The following NAP1L1 variants were observed in gnomAD, a reference collection of about 807,000 sequenced individuals.
NAP1L1 encodes nucleosome assembly protein 1 like 1.
A neutral mutation model predicts 58.9 loss-of-function variants in NAP1L1; 9 were observed. That is an observed-to-expected ratio of 0.15 (90% CI 0.09 to 0.27). The LOEUF (loss-of-function observed/expected upper bound fraction) is 0.27, where lower values mean the gene tolerates loss of function less well. Ranked by LOEUF, NAP1L1 falls within the 10% of genes least tolerant of loss-of-function variation. The pLI is 1.00. For missense variants in NAP1L1, 302 were observed against 458.8 expected, an observed-to-expected ratio of 0.66 and a Z score of 3.12; for synonymous variants, 130 against 138.3, an observed-to-expected ratio of 0.94 and a Z score of 0.42.
chr12:76,049,799 A>T lies in NAP1L1; in HGVS notation c.1060-14T>A. The T allele has an allele frequency of 6.2e-7, 1 of 1,612,586 alleles. No homozygotes were observed. The highest frequency in any genetic ancestry group is 8.5e-7 in the Non-Finnish European group (1 of 1,179,336). ...TTCTTCATCATACTGAAAAGGAAAA[A>T]CAGCGTTAAGTGTTGAGTGAATGTA... On this transcript the variant is annotated splice_polypyrimidine_tract_variant and intron_variant, in intron 12 of 14. Coordinates refer to ENST00000618691, the MANE Select transcript of NAP1L1 (RefSeq NM_004537.7).
At chr12:76,072,456 A>C (rs552336766) in intron 2 of NAP1L1, among the ~76,000 whole-genome samples, 1 of 152,270 alleles carries the variant, frequency 6.6e-6, no homozygotes, top group East Asian at 1.9e-4. Flanking sequence ...AAAGGTCATG[A>C]GAGCAATCCA....
At chr12:76,066,528 G>A (rs548282587) in intron 4 of NAP1L1, among the ~76,000 whole-genome samples, 8 of 151,982 alleles carry the variant, frequency 5.3e-5, no homozygotes, top group East Asian at 3.9e-4. Flanking sequence ...AATGGGCAAC[G>A]AAAAAGGTTC....
rs1948573379 is a variant in NAP1L1, at chr12:76,043,819, G to A, written c.*4610C>T. 6.6e-6 allele frequency: 1 copy of A among 152,116 alleles called. No individual in the cohort carries two copies. Among genetic ancestry groups the A allele is most frequent in the Non-Finnish European group, 1.5e-5 (1 of 68,042 alleles). The allele number at this position is 152,116 out of a possible 1,614,324, so 9.4% of individuals were successfully genotyped here. ...CATACAAATTTTGAGCCTTCTGGTAGCAACTATTTTACAACCTCATGAAAT... is the reference window on the plus strand; with the variant it reads ...CATACAAATTTTGAGCCTTCTGGTAACAACTATTTTACAACCTCATGAAAT... On this transcript the variant is annotated 3_prime_UTR_variant, in exon 15 of 15. Transcript: ENST00000618691.
chr12:76,049,444 C>G (rs1255325064), intron 13 of NAP1L1, 194 bp from the exon 14 acceptor site: 1 of 1,535,626 alleles, frequency 6.5e-7, no homozygotes, highest in Non-Finnish European at 8.7e-7. Flanking sequence ...GACATCCAGA[C>G]AGCTTTTATT....
At chr12:76,071,177 T>C (rs1021292763) in intron 2 of NAP1L1, among the ~76,000 whole-genome samples, 4 of 152,160 alleles carry the variant, frequency 2.6e-5, no homozygotes, top group African/African-American at 7.2e-5. Flanking sequence ...CCAACTGCAG[T>C]TAGAGAATCG....
chr12:76,049,932 T>C (rs1193427494), intron 12 of NAP1L1, 147 bp from the exon 13 acceptor site: 8 of 780,000 alleles, frequency 1.0e-5, no homozygotes, highest in East Asian at 2.6e-5. Context: ...TTAAAACACA[T>C]AGTAGCTGCA....
rs1219918549 is a variant in NAP1L1, at chr12:76,065,226, C to T, written c.206+2145G>A. On this transcript the variant is annotated intron_variant, in intron 4 of 14. Coordinates refer to ENST00000618691, the MANE Select transcript of NAP1L1 (RefSeq NM_004537.7). ...TACTGAAGGGAAAAGTTCAATAGAG[C>T]ATCTTAATTGATACAGTTAAAAAAA... Among the ~76,000 whole-genome samples the T allele has an allele frequency of 2.0e-5, 3 of 151,104 alleles. No homozygotes were observed. In the East Asian group the frequency reaches 5.8e-4, roughly 29 times the overall value.
chr12:76,074,437 T>C, intron 1 of NAP1L1, 198 bp from the exon 2 acceptor site: 1 of 859,666 alleles, frequency 1.2e-6, no homozygotes, highest in South Asian at 5.4e-5. Flanking sequence ...AAAATAATTT[T>C]TCAGAGGATA....
rs1346403207 is a variant in NAP1L1 at position 76,042,469 on chromosome 12, G to A, written c.*5960C>T. The stretch of plus-strand genomic sequence containing the variant: ...ATATCCATTAAAATTTGGTAGCAGA[G>A]ACATTTGTTTAGGGGCTGAAAAGTT... On this transcript the variant is annotated 3_prime_UTR_variant, in exon 15 of 15. Coordinates refer to ENST00000618691, the MANE Select transcript of NAP1L1 (RefSeq NM_004537.7). 3 of 152,150 alleles carry A rather than the reference G, an allele frequency of 2.0e-5. No individual in the cohort carries two copies. The highest frequency in any genetic ancestry group is 2.0e-4 in the Admixed American group (3 of 15,282). The allele number at this position is 152,150 out of a possible 1,614,324, so 9.4% of individuals were successfully genotyped here. A position where few individuals can be genotyped will look rare whatever the true frequency, so the allele number is the denominator to read the frequency against.
Position 76,041,154 on chromosome 12 carries a change from A to C in NAP1L1, c.*7275T>G, listed in dbSNP as rs1948547425. The C allele has an allele frequency of 6.6e-6, 1 of 152,242 alleles. No homozygotes were observed. The highest frequency in any genetic ancestry group is 1.5e-5 in the Non-Finnish European group (1 of 68,052). The allele number at this position is 152,242 out of a possible 1,614,324, so 9.4% of individuals were successfully genotyped here. ...GACCTTAGAGACTGAACTACTGAGA[A>C]TCAATCATTCGACTTGCTACACAGT... On this transcript the variant is annotated 3_prime_UTR_variant, in exon 15 of 15. Coordinates refer to ENST00000618691, the MANE Select transcript of NAP1L1 (RefSeq NM_004537.7).
At chr12:76,068,117 T>G (rs902734069) in intron 3 of NAP1L1, among the ~76,000 whole-genome samples, 1 of 152,202 alleles carries the variant, frequency 6.6e-6, no homozygotes, top group South Asian at 2.1e-4. Flanking sequence ...ATACAGTTAT[T>G]ACACAAAGTG....
intron 1 of NAP1L1, among the ~76,000 whole-genome samples, chr12:76,079,253 C>A (rs754698251): frequency 1.3e-5 from 2 of 152,092 alleles, no homozygotes; most frequent in Non-Finnish European, 2.9e-5. Context: ...AGGCCATGTG[C>A]GGTAGCTCAC....
intron 13 of NAP1L1, 102 bp from the exon 14 acceptor site, chr12:76,049,352 G>A: frequency 6.3e-7 from 1 of 1,588,852 alleles, no homozygotes; most frequent in Non-Finnish European, 8.5e-7. Context: ...CGGATCAACA[G>A]ATTTTCATGA....
At position 76,055,076 on chromosome 12, in the gene NAP1L1, A is replaced by G. The variant is rs1949018872; in HGVS notation, c.573T>C (p.Pro191=). ...TAATATCTTTCAAGTGCTTCAGAAT[A>G]GGTTCATCGTGTTCCTTCAAATTAA... is the stretch of plus-strand genomic sequence containing the variant. ...LSDMVQEHDE[P]ILKHLKDIKV... is the part of the protein sequence containing the mutation. Residue 191 remains proline, a synonymous_variant, in exon 8 of 15, where the codon CCT becomes CCC. Transcript: ENST00000618691. 1 of 1,601,892 alleles carries G rather than the reference A, an allele frequency of 6.2e-7. No homozygotes were observed. The highest frequency in any genetic ancestry group is 1.3e-5 in the African/African-American group (1 of 74,732).
chr12:76,060,204 T>C lies in NAP1L1; in HGVS notation c.282A>G (p.Lys94=), dbSNP rs1430298027. Residue 94 remains lysine, a synonymous_variant, in exon 5 of 15, where the codon AAA becomes AAG. Coordinates refer to ENST00000618691, the MANE Select transcript of NAP1L1 (RefSeq NM_004537.7). ...LQVKCAQIEA[K]FYEEVHDLER... is the part of the protein sequence containing the mutation. ...CAAGATCGTGAACTTCCTCATAGAA[T>C]TTGGCTTCTATCTGTGCACATTTAA... The C allele has an allele frequency of 6.2e-7, 1 of 1,613,088 alleles. No individual in the cohort carries two copies. The highest frequency in any genetic ancestry group is 8.5e-7 in the Non-Finnish European group (1 of 1,179,116).
rs1948593225 is a variant in NAP1L1, at chr12:76,045,572, T to C, written c.*2857A>G. The C allele has an allele frequency of 6.6e-6, 1 of 152,072 alleles. No homozygotes were observed. Among genetic ancestry groups the C allele is most frequent in the Admixed American group, 6.6e-5 (1 of 15,264 alleles). 9.4% of individuals were successfully genotyped at this position (152,072 alleles called of 1,614,324 possible). On this transcript the variant is annotated 3_prime_UTR_variant, in exon 15 of 15. Coordinates refer to ENST00000618691, the MANE Select transcript of NAP1L1 (RefSeq NM_004537.7). ...ACAGAAATAGAGGTAGAATCCCATT[T>C]TTCTTAAGTACCACTCTACAAGCCA...
chr12:76,050,460 C>T (rs1409413169), intron 12 of NAP1L1, 71 bp downstream of exon 12: 2 of 1,502,554 alleles, frequency 1.3e-6, no homozygotes, highest in Non-Finnish European at 1.8e-6. Context: ...AAAAACTAAA[C>T]TAATCTATTA....
intron 1 of NAP1L1, among the ~76,000 whole-genome samples, chr12:76,081,795 T>C (rs1442365664): frequency 6.6e-6 from 1 of 152,184 alleles, no homozygotes; most frequent in African/African-American, 2.4e-5. Flanking sequence ...ACTCTCTCCT[T>C]CTAACCCCTA....
In NAP1L1 at chr12:76,050,517, T is replaced by G. The variant is rs775798007; in HGVS notation, c.1059+14A>C. On this transcript the variant is annotated intron_variant, in intron 12 of 14. Transcript: ENST00000618691. ...TCAACCAATTATTTCTTTGCAGGAT[T>G]CAAATTCGCTTACATCATCATCATC... The G allele has an allele frequency of 1.3e-6, 2 of 1,597,108 alleles. No homozygotes were observed. Among genetic ancestry groups the G allele is most frequent in the Non-Finnish European group, 1.7e-6 (2 of 1,174,746 alleles).
Sources: gnomAD v4.1 joint callset for allele counts (sites outside exome capture counted in the v4.1 genomes callset) on GRCh38, gnomAD v4.1.1 for gene constraint, MANE v1.5 for transcripts, NCBI Gene and HGNC (gene_info 2026-07-23, HGNC 2026-07-21) for gene names.